The following ENTREP2 variants were observed in gnomAD, a reference collection of about 807,000 sequenced individuals.
ENTREP2 encodes the protein endosomal transmembrane epsin interactor 2, also known as protein ENTREP2.
chr15:29,168,758 TAAG>T, the ENTREP2 span, among the ~76,000 whole-genome samples: 8 of 152,206 alleles, frequency 5.3e-5, no homozygotes, highest in Admixed American at 4.6e-4. Flanking sequence ...TGTGCTGCTC[TAAG>T]AAGGCAGGAT....
the ENTREP2 span, chr15:29,612,443 C>T: frequency 1.3e-5 from 2 of 151,618 alleles, no homozygotes; most frequent in East Asian, 1.9e-4. Context: ...CCCACCACCA[C>T]ATTCAAATCT....
chr15:29,235,570 G>C, the ENTREP2 span, among the ~76,000 whole-genome samples: 26 of 152,300 alleles, frequency 1.7e-4, no homozygotes, highest in Admixed American at 1.7e-3. Context: ...GTGGAGTGCA[G>C]CTAAAGCAAT....
At chr15:29,302,717 C>T in the ENTREP2 span, among the ~76,000 whole-genome samples, 3 of 152,074 alleles carry the variant, frequency 2.0e-5, no homozygotes, top group African/African-American at 7.2e-5. Context: ...GGATGTTTCC[C>T]GCAAGAAAGA....
chr15:29,482,225 G>A, the ENTREP2 span, among the ~76,000 whole-genome samples: 41 of 149,316 alleles, frequency 2.7e-4, no homozygotes, highest in African/African-American at 1.0e-3. Context: ...GGCCAGGCTG[G>A]TCTCGAACTC....
At chr15:29,410,497 G>A in the ENTREP2 span, among the ~76,000 whole-genome samples, 16 of 151,802 alleles carry the variant, frequency 1.1e-4, no homozygotes, top group Non-Finnish European at 2.1e-4. Flanking sequence ...AAATGTGCTC[G>A]GTAACTGCAC....
At chr15:29,464,004 C>T in the ENTREP2 span, among the ~76,000 whole-genome samples, 1 of 152,078 alleles carries the variant, frequency 6.6e-6, no homozygotes, top group Non-Finnish European at 1.5e-5. Context: ...TGCCCAGAGT[C>T]ATCAAATTCA....
At chr15:29,552,367 C>A in the ENTREP2 span, among the ~76,000 whole-genome samples, 1 of 152,036 alleles carries the variant, frequency 6.6e-6, no homozygotes, top group African/African-American at 2.4e-5. Context: ...TGAGTAACCA[C>A]TGGAAAAACT....
chr15:29,128,757 C>T, the ENTREP2 span: 2 of 1,506,704 alleles, frequency 1.3e-6, no homozygotes, highest in Non-Finnish European at 1.8e-6. Context: ...ACAGGAACAC[C>T]CCACTTCAGG....
At chr15:29,207,356 C>T in the ENTREP2 span, among the ~76,000 whole-genome samples, 1 of 150,490 alleles carries the variant, frequency 6.6e-6, no homozygotes, top group African/African-American at 2.4e-5. Context: ...TTAAAGATTG[C>T]ACGAACCCAA....
chr15:29,292,337 C>CTCCTTCCTTCTTTCCTTCCT, the ENTREP2 span, among the ~76,000 whole-genome samples: 4 of 150,470 alleles, frequency 2.7e-5, no homozygotes, highest in African/African-American at 4.9e-5. Flanking sequence ...ATATATGAAT[C>CTCCTTCCTTCTTTCCTTCCT]TCCTTCCTTC....
chr15:29,519,026 C>A, the ENTREP2 span, among the ~76,000 whole-genome samples: 2 of 152,162 alleles, frequency 1.3e-5, no homozygotes, highest in African/African-American at 4.8e-5. Flanking sequence ...CTGAAATGCT[C>A]CCCAAGCTGT....
the ENTREP2 span, among the ~76,000 whole-genome samples, chr15:29,516,609 G>C: frequency 4.4e-4 from 67 of 152,002 alleles, 1 homozygote; most frequent in Middle Eastern, 0.01. Flanking sequence ...GGAGGGGATG[G>C]GGGGGTGCAG....
chr15:29,274,889 A>G, the ENTREP2 span, among the ~76,000 whole-genome samples: 1 of 152,248 alleles, frequency 6.6e-6, no homozygotes, highest in South Asian at 2.1e-4. Flanking sequence ...TTGAACAAAG[A>G]GAGGTAATTG....
At chr15:29,270,497 G>C in the ENTREP2 span, among the ~76,000 whole-genome samples, 2 of 152,208 alleles carry the variant, frequency 1.3e-5, no homozygotes, top group East Asian at 1.9e-4. Flanking sequence ...AACTGCTTTC[G>C]TCACAACCAC....
the ENTREP2 span, among the ~76,000 whole-genome samples, chr15:29,342,705 G>A: frequency 1.3e-5 from 2 of 152,260 alleles, no homozygotes; most frequent in African/African-American, 4.8e-5. Flanking sequence ...ATATCTTACT[G>A]TTGTTTTAAT....
chr15:29,514,994 C>T, the ENTREP2 span, among the ~76,000 whole-genome samples: 6 of 152,186 alleles, frequency 3.9e-5, no homozygotes, highest in East Asian at 1.9e-4. Context: ...TAGGAAAGAA[C>T]GGCCCCTTGA....
the ENTREP2 span, among the ~76,000 whole-genome samples, chr15:29,594,960 G>T: frequency 6.6e-6 from 1 of 151,014 alleles, no homozygotes; most frequent in Non-Finnish European, 1.5e-5. Context: ...CCCAGCTACT[G>T]GGGAGGCTGA....
chr15:29,662,911 A>T, the ENTREP2 span, among the ~76,000 whole-genome samples: 5 of 151,478 alleles, frequency 3.3e-5, no homozygotes, highest in Non-Finnish European at 5.9e-5. Flanking sequence ...CTTAGTAGAG[A>T]CATGTTGGTC....
At chr15:29,306,366 C>T in the ENTREP2 span, among the ~76,000 whole-genome samples, 15,543 of 152,120 alleles carry the variant, frequency 0.1, 966 homozygotes, top group African/African-American at 0.16. Context: ...AGGCGGTGCA[C>T]CTGAATATGA....
Sources: allele counts gnomAD v4.1 joint callset (sites outside exome capture counted in the v4.1 genomes callset), GRCh38; gene constraint gnomAD v4.1.1; transcripts MANE v1.5; gene names NCBI Gene and HGNC (gene_info 2026-07-23, HGNC 2026-07-21).